The following EPC2 variants were observed in gnomAD, a reference collection of about 807,000 sequenced individuals.
EPC2 encodes enhancer of polycomb homolog 2.
In EPC2, 14 loss-of-function variants were observed where a neutral mutation model predicts 92.1. That is an observed-to-expected ratio of 0.15 (90% CI 0.10 to 0.24). The LOEUF (loss-of-function observed/expected upper bound fraction) is 0.24. Ranked by LOEUF, EPC2 falls within the 10% of genes least tolerant of loss-of-function variation. The pLI is 1.00. For missense variants in EPC2, 755 were observed against 971.5 expected, an observed-to-expected ratio of 0.78 and a Z score of 2.96; for synonymous variants, 340 against 334.7, an observed-to-expected ratio of 1.02 and a Z score of -0.17.
chr2:148,692,510 AT>A (rs1448012055), intron 2 of EPC2: 1 of 152,140 alleles, frequency 6.6e-6, no homozygotes, highest in African/African-American at 2.4e-5. Context: ...TTTTCCACAG[AT>A]TTCTTTTCTC....
At chr2:148,758,995 GT>G (rs1230102182) in intron 4 of EPC2, among the ~76,000 whole-genome samples, 1 of 152,162 alleles carries the variant, frequency 6.6e-6, no homozygotes, top group East Asian at 1.9e-4. Context: ...GAAAACAATT[GT>G]AAGGAGATTA....
chr2:148,711,654 G>GTA (rs1411769013), intron 2 of EPC2, among the ~76,000 whole-genome samples: 1 of 152,064 alleles, frequency 6.6e-6, no homozygotes, highest in Non-Finnish European at 1.5e-5. Flanking sequence ...TTTGCTTGCT[G>GTA]TATCTGTCCA....
chr2:148,718,371 G>A (rs1465054193), intron 2 of EPC2, among the ~76,000 whole-genome samples: 1 of 152,144 alleles, frequency 6.6e-6, no homozygotes, highest in African/African-American at 2.4e-5. Flanking sequence ...GTAGCAACTG[G>A]TAACTGTTTT....
At chr2:148,652,933 A>G (rs1461211132) in intron 1 of EPC2, among the ~76,000 whole-genome samples, 1 of 152,166 alleles carries the variant, frequency 6.6e-6, no homozygotes, top group African/African-American at 2.4e-5. Flanking sequence ...GAAGTTCAGT[A>G]GTACTTTTAG....
chr2:148,769,000 C>G (rs1683467095), intron 7 of EPC2, 151 bp from the exon 8 acceptor site: 1 of 585,116 alleles, frequency 1.7e-6, no homozygotes. Context: ...AAAATTTTTG[C>G]TAGTCATTGA....
At chr2:148,667,808 T>C (rs901996140) in intron 1 of EPC2, among the ~76,000 whole-genome samples, 7 of 152,248 alleles carry the variant, frequency 4.6e-5, no homozygotes, top group Admixed American at 3.3e-4. Flanking sequence ...TTTGTAGTTC[T>C]GGTTTTCTGT....
intron 10 of EPC2, among the ~76,000 whole-genome samples, chr2:148,778,094 A>G (rs1199638710): frequency 6.6e-6 from 1 of 152,208 alleles, no homozygotes; most frequent in Non-Finnish European, 1.5e-5. Context: ...TATCTGGAGT[A>G]TTGAAATACT....
intron 13 of EPC2, among the ~76,000 whole-genome samples, chr2:148,785,314 T>C (rs80065735): frequency 6.6e-6 from 1 of 152,098 alleles, no homozygotes; most frequent in African/African-American, 2.4e-5. Context: ...GAAGCTTCAG[T>C]TACTCTTCCC....
intron 1 of EPC2, among the ~76,000 whole-genome samples, chr2:148,645,920 T>A (rs1027466115): frequency 5.3e-5 from 8 of 152,260 alleles, no homozygotes; most frequent in Non-Finnish European, 1.0e-4. Context: ...CCTCGAGAAT[T>A]GTCATTGCGA....
chr2:148,713,429 G>A (rs1682194903), intron 2 of EPC2, among the ~76,000 whole-genome samples: 1 of 152,158 alleles, frequency 6.6e-6, no homozygotes, highest in African/African-American at 2.4e-5. Flanking sequence ...TGTTTTAGCT[G>A]TGGTGTTACA....
chr2:148,714,525 A>G (rs1001348038), intron 2 of EPC2, among the ~76,000 whole-genome samples: 2 of 152,154 alleles, frequency 1.3e-5, no homozygotes, highest in African/African-American at 4.8e-5. Context: ...TTACACTCCC[A>G]CCAACAGTGT....
chr2:148,671,802 C>T (rs945736218), intron 1 of EPC2, among the ~76,000 whole-genome samples: 1 of 151,938 alleles, frequency 6.6e-6, no homozygotes, highest in African/African-American at 2.4e-5. Flanking sequence ...TCTATTTTTT[C>T]CTCTTCCTCC....
intron 2 of EPC2, among the ~76,000 whole-genome samples, chr2:148,715,025 G>GTTTTTT (rs60115354): frequency 5.8e-5 from 5 of 86,890 alleles, no homozygotes; most frequent in Non-Finnish European, 8.7e-5. Flanking sequence ...TTCTTCTAGG[G>GTTTTTT]TTTTTTTTTT....
In EPC2 at chr2:148,682,960, A is replaced by T. The variant is rs542212269; in HGVS notation, c.154-7254A>T. On this transcript the variant is annotated intron_variant, in intron 1 of 13. Coordinates refer to ENST00000258484, the MANE Select transcript of EPC2 (RefSeq NM_015630.4). Reference sequence around the variant, plus strand: ...TGGCAAAATCCATACTGTTTTATGTACATTTGCTTTTAATTTATAGAAATC... The same window carrying T: ...TGGCAAAATCCATACTGTTTTATGTTCATTTGCTTTTAATTTATAGAAATC... 3.8e-4 allele frequency among the ~76,000 whole-genome samples: 58 copies of T among 152,276 alleles called. No individual in the cohort carries two copies. The South Asian group carries it at 0.012, about 32-fold the overall frequency.
chr2:148,673,453 T>C (rs772826693), intron 1 of EPC2, among the ~76,000 whole-genome samples: 4 of 152,368 alleles, frequency 2.6e-5, no homozygotes, highest in Non-Finnish European at 5.9e-5. Context: ...CTCTGTTTGA[T>C]AAGTCTGCTG....
chr2:148,721,867 T>C (rs1436646427), intron 2 of EPC2, among the ~76,000 whole-genome samples: 3 of 148,818 alleles, frequency 2.0e-5, no homozygotes, highest in Admixed American at 1.4e-4. Flanking sequence ...TTTGTATCTT[T>C]GTTTCTTTTT....
chr2:148,650,563 AT>A (rs1418804679), intron 1 of EPC2, among the ~76,000 whole-genome samples: 5 of 152,084 alleles, frequency 3.3e-5, no homozygotes, highest in Middle Eastern at 3.2e-3. Flanking sequence ...GATTCACCTT[AT>A]TTTTAAAGAA....
At chr2:148,678,167 CAG>C (rs1486813366) in intron 1 of EPC2, among the ~76,000 whole-genome samples, 9 of 152,210 alleles carry the variant, frequency 5.9e-5, no homozygotes, top group African/African-American at 2.2e-4. Context: ...TAGCTAGATA[CAG>C]AGTGTTGATT....
At chr2:148,654,328 A>G (rs1680746627) in intron 1 of EPC2, among the ~76,000 whole-genome samples, 4 of 152,202 alleles carry the variant, frequency 2.6e-5, no homozygotes, top group African/African-American at 4.8e-5. Flanking sequence ...TCACTTATAC[A>G]GGATAACAAA....
Sources: gnomAD v4.1 joint callset for allele counts (sites outside exome capture counted in the v4.1 genomes callset) on GRCh38, gnomAD v4.1.1 for gene constraint, MANE v1.5 for transcripts, NCBI Gene and HGNC (gene_info 2026-07-23, HGNC 2026-07-21) for gene names.